The following SDR42E1 variants were observed in gnomAD, a reference collection of about 807,000 sequenced individuals.
The protein encoded by SDR42E1 is short chain dehydrogenase/reductase family 42E, member 1.
Under a neutral mutation model 2.6 loss-of-function variants are expected in SDR42E1, and 5 were observed. That is an observed-to-expected ratio of 1.94 (90% confidence interval 1.01 to 4.08). The LOEUF is 4.08. Ranked by LOEUF, SDR42E1 falls within the 30% of genes most tolerant of loss-of-function variation. The pLI, the probability that SDR42E1 is intolerant of heterozygous loss-of-function variation, is 0.00. For missense variants in SDR42E1, 596 were observed against 478.6 expected (o/e 1.25, Z -2.29); for synonymous variants, 231 against 188.3 (o/e 1.23, Z -1.86).
intron 1 of SDR42E1, among the ~76,000 whole-genome samples, chr16:82,006,738 G>C (rs771683234): frequency 1.3e-5 from 2 of 152,186 alleles, no homozygotes; most frequent in African/African-American, 2.4e-5. Context: ...AGGTTGCAGT[G>C]AGTGCAGACT....
rs544849190 is a variant in SDR42E1, at chr16:81,994,850, C to G, written c.*4261G>C. ...AAGCAACACTTGCCTCTTTTATACA[C>G]CATGTTAGATGGTTGAGGAAAATAA... On this transcript the variant is annotated 3_prime_UTR_variant, in exon 3 of 3. Transcript: ENST00000328945. 5.3e-5 allele frequency: 8 copies of G among 152,180 alleles called. No homozygotes were observed. The South Asian group carries it at 1.7e-3, about 31-fold the overall frequency. 9.4% of individuals were successfully genotyped at this position (152,180 alleles called of 1,614,324 possible).
In SDR42E1 at chr16:81,998,567, C is replaced by T. The variant is rs1399813022; in HGVS notation, c.*544G>A. 2 of 155,450 alleles carry T rather than the reference C, an allele frequency of 1.3e-5. No individual in the cohort carries two copies. The highest frequency in any genetic ancestry group is 2.8e-5 in the Non-Finnish European group (2 of 70,254). The allele number at this position is 155,450 out of a possible 1,614,324, so 9.6% of individuals were successfully genotyped here. A position where few individuals can be genotyped will look rare whatever the true frequency, so the allele number is the denominator to read the frequency against. On this transcript the variant is annotated 3_prime_UTR_variant, in exon 3 of 3. Coordinates refer to ENST00000328945, the MANE Select transcript of SDR42E1 (RefSeq NM_145168.3). Reference sequence around the variant, plus strand: ...CCATGTGTTCACATAGGCATAATGCCCTGATATCATAAAGGGCAAAAGTTA... The same window carrying T: ...CCATGTGTTCACATAGGCATAATGCTCTGATATCATAAAGGGCAAAAGTTA...
rs1028663395 is a variant in SDR42E1, at chr16:81,998,990, T to C, written c.*121A>G. ...ATAAAGATTCAATCCAAGAACCTAT[T>C]CTTAAGTAGCAATTTGAAGAGCCAA... On this transcript the variant is annotated 3_prime_UTR_variant, in exon 3 of 3. Transcript: ENST00000328945. 16 of 1,013,190 alleles carry C rather than the reference T, an allele frequency of 1.6e-5. No homozygotes were observed. The highest frequency in any genetic ancestry group is 8.1e-5 in the African/African-American group (5 of 61,534). The allele number at this position is 1,013,190 out of a possible 1,614,324, so 62.8% of individuals were successfully genotyped here.
rs1260989550 is a variant in SDR42E1 at position 81,993,420 on chromosome 16, G to T, written c.*5691C>A. On this transcript the variant is annotated 3_prime_UTR_variant, in exon 3 of 3. Transcript: ENST00000328945. Reference sequence around the variant, plus strand: ...GTCTGTATATCGAGGTAAAATAGATGTAAGGAGTTCCTGAAATCATTGGTT... The same window carrying T: ...GTCTGTATATCGAGGTAAAATAGATTTAAGGAGTTCCTGAAATCATTGGTT... 1 of 152,176 alleles carries T rather than the reference G, an allele frequency of 6.6e-6. No homozygotes were observed. Among genetic ancestry groups the T allele is most frequent in the Non-Finnish European group, 1.5e-5 (1 of 68,052 alleles). The allele number at this position is 152,176 out of a possible 1,614,324, so 9.4% of individuals were successfully genotyped here.
Position 81,998,889 on chromosome 16 carries a change from A to G in SDR42E1, c.*222T>C, listed in dbSNP as rs1032644111. The G allele has an allele frequency of 1.0e-5, 6 of 583,974 alleles. No homozygotes were observed. The highest frequency in any genetic ancestry group is 1.8e-5 in the Non-Finnish European group (6 of 336,326). The allele number at this position is 583,974 out of a possible 1,614,324, so 36.2% of individuals were successfully genotyped here. On this transcript the variant is annotated 3_prime_UTR_variant, in exon 3 of 3. Transcript: ENST00000328945. ...TTGTACCCACCTAAAACAGAAGCAC[A>G]TAACAAATCAAATTTCAAACTAATC...
At position 81,999,981 on chromosome 16, in the gene SDR42E1, G is replaced by T. The variant is rs769262424; in HGVS notation, c.312C>A (p.Asp104Glu). 1.9e-6 allele frequency: 3 copies of T among 1,614,242 alleles called. No individual in the cohort carries two copies. Among genetic ancestry groups the T allele is most frequent in the South Asian group, 1.1e-5 (1 of 91,080 alleles). ...TCCTTTGGCAAACCTGGAGGATGTT[G>T]TCTGTGCCCCTGACGTTGACTTCTT... is the stretch of plus-strand genomic sequence containing the variant. ...LIKEVNVRGT[D>E]NILQVCQRRR... Residue 104 changes from aspartate (D) to glutamate (E), a missense_variant, in exon 3 of 3, where the codon GAC (aspartate) becomes GAA (glutamate). Asp to Glu is a conservative substitution (Grantham distance 45). Coordinates refer to ENST00000328945, the MANE Select transcript of SDR42E1 (RefSeq NM_145168.3).
intron 1 of SDR42E1, among the ~76,000 whole-genome samples, chr16:82,003,582 G>C (rs565579292): frequency 1.1e-4 from 16 of 152,260 alleles, no homozygotes; most frequent in African/African-American, 3.9e-4. Context: ...TCTCACTTCA[G>C]TGTGACACAT....
rs115063861 is a variant in SDR42E1 at position 82,009,173 on chromosome 16, G to A, written c.-27+2214C>T. On this transcript the variant is annotated intron_variant, in intron 1 of 2. Coordinates refer to ENST00000328945, the MANE Select transcript of SDR42E1 (RefSeq NM_145168.3). ...GGCAGAAGTTGGCTGCAGGGGTGGG[G>A]CCCTCATGGAGAACCACTGCTAGAG... is the stretch of plus-strand genomic sequence containing the variant. Among the ~76,000 whole-genome samples, 390 of 152,280 alleles carry A rather than the reference G, an allele frequency of 2.6e-3. 2 individuals are homozygous for A. The highest frequency in any genetic ancestry group is 9.1e-3 in the African/African-American group (377 of 41,552).
chr16:81,992,916 T>G lies in SDR42E1; in HGVS notation c.*6195A>C, dbSNP rs1912459890. The G allele has an allele frequency of 6.6e-6, 1 of 152,186 alleles. No homozygotes were observed. Among genetic ancestry groups the G allele is most frequent in the Non-Finnish European group, 1.5e-5 (1 of 68,034 alleles). 9.4% of individuals were successfully genotyped at this position (152,186 alleles called of 1,614,324 possible). On this transcript the variant is annotated 3_prime_UTR_variant, in exon 3 of 3. Transcript: ENST00000328945. ...TGCACAACTTAGAGATACCAGGGAC[T>G]GGTTGACTCTATTTCTGGTTTGATT... is the stretch of plus-strand genomic sequence containing the variant.
intron 2 of SDR42E1, 97 bp downstream of exon 2, chr16:82,000,694 C>T (rs1912727481): frequency 3.3e-6 from 3 of 900,780 alleles, no homozygotes; most frequent in Non-Finnish European, 5.3e-6. Context: ...TTTGACATTA[C>T]ACAAACAAGT....
chr16:82,005,161 C>T (rs192500845), intron 1 of SDR42E1, among the ~76,000 whole-genome samples: 13 of 152,294 alleles, frequency 8.5e-5, no homozygotes, highest in Non-Finnish European at 1.5e-5. Context: ...CCAGTCCAGT[C>T]ACAAGACCAT....
chr16:81,992,354 G>A lies in SDR42E1; in HGVS notation c.*6757C>T, dbSNP rs1336039563. ...AGGCACAGGACTATAAATCAGTGGAGTGGGGGTGTTGTAATTGCCCAGCAA... is the reference window on the plus strand; with the variant it reads ...AGGCACAGGACTATAAATCAGTGGAATGGGGGTGTTGTAATTGCCCAGCAA... On this transcript the variant is annotated 3_prime_UTR_variant, in exon 3 of 3. Coordinates refer to ENST00000328945, the MANE Select transcript of SDR42E1 (RefSeq NM_145168.3). 1 of 152,174 alleles carries A rather than the reference G, an allele frequency of 6.6e-6. No homozygotes were observed. The highest frequency in any genetic ancestry group is 2.4e-5 in the African/African-American group (1 of 41,444). The allele number at this position is 152,174 out of a possible 1,614,324, so 9.4% of individuals were successfully genotyped here. A position where few individuals can be genotyped will look rare whatever the true frequency, so the allele number is the denominator to read the frequency against.
chr16:82,007,018 G>A (rs1337354648), intron 1 of SDR42E1, among the ~76,000 whole-genome samples: 1 of 152,172 alleles, frequency 6.6e-6, no homozygotes. Flanking sequence ...AGATACTTGT[G>A]GCACAAGTGC....
intron 1 of SDR42E1, chr16:82,007,976 T>C (rs1387151555): frequency 6.6e-6 from 1 of 152,226 alleles, no homozygotes; most frequent in Non-Finnish European, 1.5e-5. Context: ...GAATTGTAGC[T>C]CCCGTAAATC....
rs1912514954 is a variant in SDR42E1, at chr16:81,995,186, T to A, written c.*3925A>T. The A allele has an allele frequency of 6.6e-6, 1 of 152,244 alleles. No individual in the cohort carries two copies. The highest frequency in any genetic ancestry group is 1.5e-5 in the Non-Finnish European group (1 of 68,100). The allele number at this position is 152,244 out of a possible 1,614,324, so 9.4% of individuals were successfully genotyped here. A position where few individuals can be genotyped will look rare whatever the true frequency, so the allele number is the denominator to read the frequency against. ...TGCGACCCTCCATCAATCATATGGA[T>A]AACCTCCCACACACTCCTCAGAAGC... On this transcript the variant is annotated 3_prime_UTR_variant, in exon 3 of 3. Transcript: ENST00000328945.
rs1021287958 is a variant in SDR42E1 at position 81,990,895 on chromosome 16, A to C, written c.*8216T>G. 1.3e-5 allele frequency: 2 copies of C among 152,210 alleles called. No individual in the cohort carries two copies. Among genetic ancestry groups the C allele is most frequent in the African/African-American group, 2.4e-5 (1 of 41,452 alleles). 9.4% of individuals were successfully genotyped at this position (152,210 alleles called of 1,614,324 possible). On this transcript the variant is annotated 3_prime_UTR_variant, in exon 3 of 3. Transcript: ENST00000328945. ...AGTTCACCCTTCTTTGGGAGAATTT[A>C]AACATCTAAGGGCACCTCTACAGGC...
intron 1 of SDR42E1, among the ~76,000 whole-genome samples, chr16:82,002,590 T>C (rs1467186937): frequency 1.3e-5 from 2 of 152,128 alleles, no homozygotes; most frequent in African/African-American, 4.8e-5. Flanking sequence ...AGACAGTAAA[T>C]AAACTTGCCC....
At chr16:82,005,189 T>G (rs1346908463) in intron 1 of SDR42E1, among the ~76,000 whole-genome samples, 1 of 152,214 alleles carries the variant, frequency 6.6e-6, no homozygotes, top group Non-Finnish European at 1.5e-5. Flanking sequence ...TCATGGTTCA[T>G]GTGCACATTA....
rs150760433 is a variant in SDR42E1, at chr16:81,995,957, G to C, written c.*3154C>G. On this transcript the variant is annotated 3_prime_UTR_variant, in exon 3 of 3. Coordinates refer to ENST00000328945, the MANE Select transcript of SDR42E1 (RefSeq NM_145168.3). ...TGGGATCAGTGAAGGCCTCTAGAAA[G>C]AGACTTAACAAGAGACACGAAATAA... is the stretch of plus-strand genomic sequence containing the variant. The C allele has an allele frequency of 2.1e-4, 32 of 152,330 alleles. No homozygotes were observed. The highest frequency in any genetic ancestry group is 7.7e-4 in the African/African-American group (32 of 41,570). The allele number at this position is 152,330 out of a possible 1,614,324, so 9.4% of individuals were successfully genotyped here.
Sources: gnomAD v4.1 joint callset for allele counts (sites outside exome capture counted in the v4.1 genomes callset) on GRCh38, gnomAD v4.1.1 for gene constraint, MANE v1.5 for transcripts, NCBI Gene and HGNC (gene_info 2026-07-23, HGNC 2026-07-21) for gene names.